Variants in COL4A3 observed in about 807,000 individuals in gnomAD.
COL4A3 encodes the protein collagen type IV alpha 3 chain, also known as collagen alpha-3(IV) chain.
A neutral mutation model predicts 217.4 loss-of-function variants in COL4A3; 135 were observed. The observed-to-expected ratio is 0.62, with a 90% CI of 0.54 to 0.72. The LOEUF is 0.72. Ranked by LOEUF, COL4A3 falls within the 30% of genes least tolerant of loss-of-function variation. COL4A3 has a pLI of 0.00. For missense variants in COL4A3, 1,868 were observed against 2,119.9 expected (o/e 0.88, Z 2.33); for synonymous variants, 690 against 736.3 (o/e 0.94, Z 1.02).
intron 26 of COL4A3, among the ~76,000 whole-genome samples, chr2:227,275,051 C>T (rs578238651): frequency 6.6e-6 from 1 of 152,320 alleles, no homozygotes; most frequent in East Asian, 1.9e-4. Context: ...TGCTTTTATG[C>T]TACAATGGCA....
chr2:227,201,151 A>G (rs773833153), intron 1 of COL4A3, among the ~76,000 whole-genome samples: 11 of 152,196 alleles, frequency 7.2e-5, no homozygotes, highest in Non-Finnish European at 1.3e-4. Flanking sequence ...AATCAGCTCA[A>G]GAAGAAAGAA....
chr2:227,209,175 G>A (rs1437216791), intron 1 of COL4A3, among the ~76,000 whole-genome samples: 1 of 152,210 alleles, frequency 6.6e-6, no homozygotes, highest in African/African-American at 2.4e-5. Context: ...GTTCCAAACA[G>A]GGGTACTTGA....
rs150452059 is a variant in COL4A3 at position 227,255,496 on chromosome 2, A to C, written c.889-530A>C. Among the ~76,000 whole-genome samples, 84 of 152,370 alleles carry C rather than the reference A, an allele frequency of 5.5e-4. 1 individual carries two copies. The East Asian group carries it at 0.015, about 28-fold the overall frequency. On this transcript the variant is annotated intron_variant, in intron 15 of 51. Coordinates refer to ENST00000396578, the MANE Select transcript of COL4A3 (RefSeq NM_000091.5). ...TGGCCTGAGAAAAAATATTCAATGA[A>C]CATGATTTTTAAATTTTATCAGGAA...
intron 39 of COL4A3, 21 bp downstream of exon 39, chr2:227,294,591 C>G (rs1018046263): frequency 6.5e-7 from 1 of 1,538,782 alleles, no homozygotes; most frequent in Non-Finnish European, 9.0e-7. Flanking sequence ...TGTACTTTCT[C>G]TTTTTCCTTT....
At position 227,311,933 on chromosome 2, in the gene COL4A3, G is replaced by T. The variant is rs1295033003; in HGVS notation, c.*63G>T. ...AAAGAACAAAGTAATGACAGAACAT[G>T]CTGTTATTTAGGTATTTTTCTTTAA... On this transcript the variant is annotated 3_prime_UTR_variant, in exon 52 of 52. Transcript: ENST00000396578. 1.2e-6 allele frequency: 2 copies of T among 1,601,560 alleles called. No homozygotes were observed. The highest frequency in any genetic ancestry group is 1.1e-5 in the South Asian group (1 of 89,706).
intron 1 of COL4A3, among the ~76,000 whole-genome samples, chr2:227,165,200 T>C (rs760328665): frequency 6.6e-6 from 1 of 152,054 alleles, no homozygotes; most frequent in Non-Finnish European, 1.5e-5. Context: ...TCAAGCAGCT[T>C]GGCCCAGCGC....
intron 9 of COL4A3, among the ~76,000 whole-genome samples, chr2:227,249,081 G>A (rs2069539245): frequency 6.7e-6 from 1 of 149,822 alleles, no homozygotes; most frequent in Non-Finnish European, 1.5e-5. Flanking sequence ...TGATCCAAAA[G>A]GGATACAAAG....
intron 1 of COL4A3, among the ~76,000 whole-genome samples, chr2:227,178,310 A>T (rs907616853): frequency 6.6e-6 from 1 of 152,156 alleles, no homozygotes. Context: ...TGAGCCCTGC[A>T]GAGTGGAGGC....
intron 1 of COL4A3, among the ~76,000 whole-genome samples, chr2:227,174,501 T>C (rs888003482): frequency 6.9e-6 from 1 of 144,788 alleles, no homozygotes; most frequent in South Asian, 2.1e-4. Context: ...GTCTAGTGAT[T>C]ATTATTATTA....
chr2:227,225,737 G>C (rs560602878), intron 1 of COL4A3, among the ~76,000 whole-genome samples: 11 of 131,394 alleles, frequency 8.4e-5, no homozygotes, highest in African/African-American at 3.2e-4. Context: ...TGTTGAGACA[G>C]ATCTCACCCT....
chr2:227,255,417 C>G (rs1390086788), intron 15 of COL4A3, among the ~76,000 whole-genome samples: 1 of 152,140 alleles, frequency 6.6e-6, no homozygotes, highest in Non-Finnish European at 1.5e-5. Context: ...AAAAGTTATA[C>G]ATTTGGAAAA....
rs2125933419 is a variant in COL4A3, at chr2:227,253,845, G to C, written c.765+207G>C. Among the ~76,000 whole-genome samples the C allele has an allele frequency of 6.6e-6, 1 of 151,968 alleles. No individual in the cohort carries two copies. Among genetic ancestry groups the C allele is most frequent in the East Asian group, 1.9e-4 (1 of 5,174 alleles). On this transcript the variant is annotated intron_variant, in intron 13 of 51. Transcript: ENST00000396578. The surrounding 1 kb of genome is among the most constrained non-coding windows in gnomAD (Gnocchi z 4.4). Reference sequence around the variant, plus strand: ...TACATGGGGAAGATCTGAGGCTCCAGCTTGGGCAACAGAGTGAGACTTCAT... The same window carrying C: ...TACATGGGGAAGATCTGAGGCTCCACCTTGGGCAACAGAGTGAGACTTCAT...
chr2:227,194,999 TAAAC>T (rs2066414131), intron 1 of COL4A3, among the ~76,000 whole-genome samples: 1 of 152,168 alleles, frequency 6.6e-6, no homozygotes, highest in Non-Finnish European at 1.5e-5. Flanking sequence ...ATAATCTAAA[TAAAC>T]CAATAATCTT....
At chr2:227,295,751 G>A (rs933656636) in intron 41 of COL4A3, among the ~76,000 whole-genome samples, 9 of 152,040 alleles carry the variant, frequency 5.9e-5, no homozygotes, top group African/African-American at 1.9e-4. Context: ...CCAGCTTGCG[G>A]TCCATGCTAT....
intron 2 of COL4A3, among the ~76,000 whole-genome samples, chr2:227,239,451 C>T (rs1275096752): frequency 6.6e-6 from 1 of 152,100 alleles, no homozygotes; most frequent in Non-Finnish European, 1.5e-5. Context: ...GAGGGACAAA[C>T]GTAATTCCAA....
At chr2:227,264,195 T>G (rs1328120962) in intron 21 of COL4A3, among the ~76,000 whole-genome samples, 2 of 152,176 alleles carry the variant, frequency 1.3e-5, no homozygotes, top group Non-Finnish European at 2.9e-5. Context: ...AAGAGAGTGA[T>G]GTGGGGAAGG....
intron 18 of COL4A3, 65 bp from the exon 19 acceptor site, chr2:227,259,728 T>C: frequency 8.7e-7 from 1 of 1,154,912 alleles, no homozygotes. Flanking sequence ...ACTGAAGTAA[T>C]GATGTTTGGT....
intron 41 of COL4A3, among the ~76,000 whole-genome samples, 158 bp from the exon 42 acceptor site, chr2:227,297,516 G>T (rs1327095114): frequency 1.3e-5 from 2 of 152,064 alleles, no homozygotes; most frequent in Non-Finnish European, 2.9e-5. Flanking sequence ...GCTCTATATT[G>T]CATTTACCAG....
chr2:227,211,767 C>T (rs2067332809), intron 1 of COL4A3, among the ~76,000 whole-genome samples: 1 of 152,112 alleles, frequency 6.6e-6, no homozygotes, highest in South Asian at 2.1e-4. Flanking sequence ...AAGCAATTCT[C>T]CTGCCTCAGC....
Sources: gnomAD v4.1 joint callset for allele counts (sites outside exome capture counted in the v4.1 genomes callset) on GRCh38, gnomAD v4.1.1 for gene constraint, Gnocchi (gnomAD v3.1) non-coding constraint, MANE v1.5 for transcripts, NCBI Gene and HGNC (gene_info 2026-07-23, HGNC 2026-07-21) for gene names.